EPX: variants seen among roughly 807,000 people sequenced by gnomAD.
The protein encoded by EPX is eosinophil peroxidase.
In EPX, 60 loss-of-function variants were observed where a neutral mutation model predicts 73.0. That is an observed-to-expected ratio of 0.82 (90% CI 0.67 to 1.02). The LOEUF (loss-of-function observed/expected upper bound fraction) is 1.02. EPX is among the 50% of genes least tolerant of loss of function. EPX has a pLI of 0.00. For synonymous variants in EPX, 347 were observed against 389.2 expected (o/e 0.89, Z 1.28); for missense variants, 950 against 973.9 (o/e 0.98, Z 0.33).
rs1968309797 is a variant in EPX, at chr17:58,199,576, G to A, written c.1319G>A (p.Gly440Asp). The A allele has an allele frequency of 6.2e-7, 1 of 1,613,978 alleles. No homozygotes were observed. Among genetic ancestry groups the A allele is most frequent in the Non-Finnish European group, 8.5e-7 (1 of 1,180,010 alleles). ...TYRDFLPLVL[G>D]KARARRTLGH... ...CGAGACTTTCTGCCCCTGGTTCTGG[G>A]CAAGGCCCGGGCCAGGAGAACCCTG... Residue 440 changes from glycine (G) to aspartate (D), a missense_variant, in exon 9 of 13, where the codon GGC (glycine) becomes GAC (aspartate). By Grantham distance (94) the Gly-to-Asp change is moderately conservative. Transcript: ENST00000225371.
chr17:58,202,816 TTA>T lies in EPX; in HGVS notation c.1709-263_1709-262del, dbSNP rs372704550. ...ATATCACTAAGTGTCGGATTTGTGGTTATGAGTTTTGGGTTAAAACAGCTTTT... is the reference window on the plus strand; with the variant it reads ...ATATCACTAAGTGTCGGATTTGTGGTTGAGTTTTGGGTTAAAACAGCTTTT... On this transcript the variant is annotated intron_variant, in intron 10 of 12. Transcript: ENST00000225371. 7.3e-4 allele frequency: 367 copies of T among 503,488 alleles called. 2 individuals carry two copies. The highest frequency in any genetic ancestry group is 6.2e-3 in the African/African-American group (321 of 52,012). The allele number at this position is 503,488 out of a possible 1,614,324, so 31.2% of individuals were successfully genotyped here.
At position 58,199,771 on chromosome 17, in the gene EPX, C is replaced by A; in HGVS notation, c.1514C>A (p.Ala505Asp). 2 of 1,613,898 alleles carry A rather than the reference C, an allele frequency of 1.2e-6. No individual in the cohort carries two copies. Among genetic ancestry groups the A allele is most frequent in the South Asian group, 1.1e-5 (1 of 91,080 alleles). The change falls in exon 9 of 13, where the codon GCC (alanine) becomes GAC (aspartate). Residue 505 changes from alanine (A) to aspartate (D), a missense_variant. Transcript: ENST00000225371. The stretch of plus-strand genomic sequence containing the variant: ...GTCCCACTTAGCTCTGCCTTCTTTG[C>A]CAGCTGGCGGATCGTGTATGAAGGT... Reference protein sequence around the residue: ...SHVPLSSAFFASWRIVYEGGI... With the variant: ...SHVPLSSAFFDSWRIVYEGGI...
intron 7 of EPX, among the ~76,000 whole-genome samples, chr17:58,197,550 T>C (rs1968278433): frequency 6.6e-6 from 1 of 152,172 alleles, no homozygotes; most frequent in Admixed American, 6.6e-5. Flanking sequence ...AAAGTCTCCT[T>C]ATTTTGATCA....
In EPX at chr17:58,195,153, C is replaced by G; in HGVS notation, c.784C>G (p.Pro262Ala). The G allele has an allele frequency of 1.9e-6, 3 of 1,613,820 alleles. No individual in the cohort carries two copies. Among genetic ancestry groups the G allele is most frequent in the Non-Finnish European group, 2.5e-6 (3 of 1,179,818 alleles). The change falls in exon 6 of 13, where the codon CCC becomes GCC. Residue 262 changes from proline to alanine, a missense_variant. Coordinates refer to ENST00000225371, the MANE Select transcript of EPX (RefSeq NM_000502.6). Reference sequence around the variant, plus strand: ...TGAGAGGACCTGCGCCCAGCTGCCCCCCTGCTTTCCCATCAAGGTACCTAC... The same window carrying G: ...TGAGAGGACCTGCGCCCAGCTGCCCGCCTGCTTTCCCATCAAGGTACCTAC... ...DCERTCAQLP[P>A]CFPIKIPPND...
intron 2 of EPX, 100 bp downstream of exon 2, chr17:58,193,231 T>A: frequency 8.2e-7 from 1 of 1,223,828 alleles, no homozygotes; most frequent in Non-Finnish European, 1.2e-6. Context: ...CTGGACCCCA[T>A]GAACATTTCC....
chr17:58,193,799 G>A lies in EPX; in HGVS notation c.432G>A (p.Lys144=). 1.9e-6 allele frequency: 3 copies of A among 1,613,496 alleles called. No individual in the cohort carries two copies. The highest frequency in any genetic ancestry group is 2.5e-6 in the Non-Finnish European group (3 of 1,179,798). Residue 144 remains lysine, a synonymous_variant, in exon 4 of 13, where the codon AAG becomes AAA. Transcript: ENST00000225371. ...ACCAGGCCGAGCGCTGCAGCGACAA[G>A]TACCGCACCATCACTGGACGGTGCA... ...LRDQAERCSD[K]YRTITGRCNN...
At chr17:58,202,697 T>C (rs1968357636) in intron 10 of EPX, 2 of 287,532 alleles carry the variant, frequency 7.0e-6, no homozygotes, top group Non-Finnish European at 1.4e-5. Flanking sequence ...ATTTATTCAT[T>C]TGCTCACTCA....
intron 8 of EPX, 122 bp from the exon 9 acceptor site, chr17:58,199,417 G>T: frequency 8.0e-7 from 1 of 1,254,676 alleles, no homozygotes; most frequent in Non-Finnish European, 1.2e-6. Context: ...CCCACCAATA[G>T]TAAATTAATG....
At chr17:58,204,619 T>C (rs1968403833) in intron 12 of EPX, 117 bp from the exon 13 acceptor site, 1 of 596,014 alleles carries the variant, frequency 1.7e-6, no homozygotes, top group Non-Finnish European at 3.0e-6. Flanking sequence ...CCCTAGGACT[T>C]TGGGGGGAAA....
rs186964682 is a variant in EPX at position 58,200,228 on chromosome 17, G to T, written c.1541G>T (p.Gly514Val). 2 of 1,614,076 alleles carry T rather than the reference G, an allele frequency of 1.2e-6. No individual in the cohort carries two copies. The highest frequency in any genetic ancestry group is 2.2e-5 in the South Asian group (2 of 91,086). The change falls in exon 10 of 13, where the codon GGC becomes GTC. Residue 514 changes from glycine to valine, a missense_variant. Transcript: ENST00000225371. ...TGCTCACATTCCCTGCCACCAGGGG[G>T]CATCGACCCCATCCTCCGGGGCCTC... ...FASWRIVYEGGIDPILRGLMA... is the reference protein window; with the variant it reads ...FASWRIVYEGVIDPILRGLMA...
chr17:58,199,334 G>A, intron 8 of EPX, 134 bp downstream of exon 8: 1 of 1,146,714 alleles, frequency 8.7e-7, no homozygotes, highest in Non-Finnish European at 1.3e-6. Context: ...CCTGTCCTCT[G>A]GCCCCGATTC....
chr17:58,194,017 C>A lies in EPX; in HGVS notation c.519C>A (p.Ala173=), dbSNP rs536094300. Reference sequence around the variant, plus strand: ...AGGCTCTGGCTCGCTGGCTGCCCGCCGAGTATGAGGATGGGCTGTCGCTCC... The same window carrying A: ...AGGCTCTGGCTCGCTGGCTGCCCGCAGAGTATGAGGATGGGCTGTCGCTCC... ...SNQALARWLP[A]EYEDGLSLPF... is the part of the protein sequence containing the mutation. Residue 173 remains alanine, a synonymous_variant, in exon 5 of 13, where the codon GCC becomes GCA. Transcript: ENST00000225371. 3.7e-6 allele frequency: 6 copies of A among 1,613,194 alleles called. No individual in the cohort carries two copies. The highest frequency in any genetic ancestry group is 2.2e-5 in the East Asian group (1 of 44,870).
rs769233523 is a variant in EPX, at chr17:58,192,892, C to G, written c.46C>G (p.Leu16Val). The G allele has an allele frequency of 1.2e-6, 2 of 1,614,140 alleles. No individual in the cohort carries two copies. The highest frequency in any genetic ancestry group is 1.3e-5 in the African/African-American group (1 of 75,048). ...ALAGVLATLV[L>V]AQPCEGTDPA... ...GGCAGGGGTCCTGGCCACACTCGTC[C>G]TCGCCCAGCCCTGTGAGGGCACTGA... is the stretch of plus-strand genomic sequence containing the variant. Residue 16 changes from leucine (L) to valine (V), a missense_variant, in exon 1 of 13, where the codon CTC becomes GTC. Coordinates refer to ENST00000225371, the MANE Select transcript of EPX (RefSeq NM_000502.6).
chr17:58,202,607 A>G (rs1968356609), intron 10 of EPX: 2 of 248,330 alleles, frequency 8.1e-6, no homozygotes, highest in Admixed American at 5.0e-5. Context: ...GACCTCTCAT[A>G]TCAACAGAAT....
At chr17:58,200,534 G>T in intron 10 of EPX, 139 bp downstream of exon 10, 1 of 886,970 alleles carries the variant, frequency 1.1e-6, no homozygotes, top group South Asian at 1.4e-5. Flanking sequence ...CAAGGCCAAG[G>T]TCGATGTCCC....
Position 58,193,445 on chromosome 17 carries a change from C to A in EPX, c.245C>A (p.Ala82Asp). ...LLSYFKQPVA[A>D]TRTVVRAADY... ...TCCTACTTCAAACAACCGGTAGCAGCCACCAGGACAGTTGTTCGGGCCGCA... is the reference window on the plus strand; with the variant it reads ...TCCTACTTCAAACAACCGGTAGCAGACACCAGGACAGTTGTTCGGGCCGCA... The change falls in exon 3 of 13, where the codon GCC (alanine) becomes GAC (aspartate). Residue 82 changes from alanine (A) to aspartate (D), a missense_variant. By Grantham distance (126) the Ala-to-Asp change is moderately radical. Transcript: ENST00000225371. 1 of 1,614,142 alleles carries A rather than the reference C, an allele frequency of 6.2e-7. No individual in the cohort carries two copies. The highest frequency in any genetic ancestry group is 8.5e-7 in the Non-Finnish European group (1 of 1,179,976).
At position 58,204,453 on chromosome 17, in the gene EPX, C is replaced by T. The variant is rs1968400654; in HGVS notation, c.*11+19C>T. 1 of 1,526,010 alleles carries T rather than the reference C, an allele frequency of 6.6e-7. No individual in the cohort carries two copies. Among genetic ancestry groups the T allele is most frequent in the Admixed American group, 1.7e-5 (1 of 59,630 alleles). The allele number at this position is 1,526,010 out of a possible 1,614,324, so 94.5% of individuals were successfully genotyped here. On this transcript the variant is annotated intron_variant, in intron 12 of 12. Coordinates refer to ENST00000225371, the MANE Select transcript of EPX (RefSeq NM_000502.6). ...TCTGCAGGTAAGGGGAGGCCACCTC[C>T]AGCACCCTGGGCTGGGTTAAGCCCT... is the stretch of plus-strand genomic sequence containing the variant.
intron 10 of EPX, 183 bp from the exon 11 acceptor site, chr17:58,202,898 C>A (rs200464659): frequency 6.2e-6 from 4 of 648,096 alleles, no homozygotes; most frequent in Non-Finnish European, 5.6e-6. Context: ...TGTCCACTCA[C>A]ATTTTCAATC....
chr17:58,194,877 G>T, intron 5 of EPX, 87 bp from the exon 6 acceptor site: 1 of 963,048 alleles, frequency 1.0e-6, no homozygotes, highest in South Asian at 1.4e-5. Context: ...CAGCAGGGGA[G>T]CTGCTGCTCC....
Sources: gnomAD v4.1 joint callset for allele counts (sites outside exome capture counted in the v4.1 genomes callset) on GRCh38, gnomAD v4.1.1 for gene constraint, MANE v1.5 for transcripts, NCBI Gene and HGNC (gene_info 2026-07-23, HGNC 2026-07-21) for gene names.